The following GALNTL6 variants were observed in gnomAD, a reference collection of about 807,000 sequenced individuals.
The protein encoded by GALNTL6 is polypeptide N-acetylgalactosaminyltransferase like 6.
Under a neutral mutation model 73.7 loss-of-function variants are expected in GALNTL6, and 46 were observed. The observed-to-expected ratio is 0.62, with a 90% confidence interval of 0.49 to 0.80. The LOEUF (loss-of-function observed/expected upper bound fraction) is 0.80, where lower values mean the gene tolerates loss of function less well. Ranked by LOEUF, GALNTL6 falls within the 30% of genes least tolerant of loss-of-function variation. The probability of loss-of-function intolerance (pLI) is 0.00; values close to 1 mark genes in which losing one functional copy is unlikely to be tolerated. For synonymous variants in GALNTL6, 259 were observed against 263.7 expected, an observed-to-expected ratio of 0.98 and a Z score of 0.17; for missense variants, 604 against 755.0, an observed-to-expected ratio of 0.80 and a Z score of 2.34.
At chr4:172,317,514 T>C (rs1014786413) in intron 4 of GALNTL6, among the ~76,000 whole-genome samples, 1 of 152,246 alleles carries the variant, frequency 6.6e-6, no homozygotes, top group East Asian at 1.9e-4. Context: ...ATGTAAAATA[T>C]AAGGAGACCT....
intron 2 of GALNTL6, among the ~76,000 whole-genome samples, chr4:172,080,993 A>G (rs1340979178): frequency 6.6e-6 from 1 of 152,168 alleles, no homozygotes; most frequent in Non-Finnish European, 1.5e-5. Flanking sequence ...ACCCCTTCAT[A>G]TGGCAGCCAT....
intron 2 of GALNTL6, among the ~76,000 whole-genome samples, chr4:171,831,250 G>A (rs891886430): frequency 6.6e-6 from 1 of 151,930 alleles, no homozygotes; most frequent in African/African-American, 2.4e-5. Flanking sequence ...AGGAGAGAAA[G>A]GGAGAAAAAT....
chr4:172,445,991 C>A (rs1352926154), intron 5 of GALNTL6, among the ~76,000 whole-genome samples: 1 of 152,038 alleles, frequency 6.6e-6, no homozygotes, highest in East Asian at 1.9e-4. Flanking sequence ...GTTATCCCTA[C>A]CCTCAAGTTC....
intron 2 of GALNTL6, among the ~76,000 whole-genome samples, chr4:171,878,283 C>T (rs1736334499): frequency 6.6e-6 from 1 of 152,096 alleles, no homozygotes; most frequent in Non-Finnish European, 1.5e-5. Context: ...CCTGAGTAAA[C>T]CAGGACAAAT....
chr4:172,615,902 C>G (rs1738708475), intron 5 of GALNTL6, among the ~76,000 whole-genome samples: 2 of 152,204 alleles, frequency 1.3e-5, no homozygotes, highest in African/African-American at 4.8e-5. Flanking sequence ...TACAACCACA[C>G]AATACCACCA....
chr4:172,614,536 T>C (rs769493092), intron 5 of GALNTL6, among the ~76,000 whole-genome samples: 6 of 152,228 alleles, frequency 3.9e-5, no homozygotes, highest in Non-Finnish European at 8.8e-5. Flanking sequence ...CACAATGATA[T>C]AAGTATCTTG....
chr4:172,908,330 G>A (rs188983892), intron 8 of GALNTL6, among the ~76,000 whole-genome samples: 2 of 152,136 alleles, frequency 1.3e-5, no homozygotes, highest in Admixed American at 1.3e-4. Flanking sequence ...TTTGTATAAT[G>A]GATATATTTC....
At chr4:172,828,506 G>A (rs1003322264) in intron 7 of GALNTL6, among the ~76,000 whole-genome samples, 1 of 151,950 alleles carries the variant, frequency 6.6e-6, no homozygotes, top group Admixed American at 6.6e-5. Flanking sequence ...GATCCTATGA[G>A]CCTACCAGTC....
At chr4:172,217,043 T>A (rs1736517683) in intron 2 of GALNTL6, among the ~76,000 whole-genome samples, 1 of 152,146 alleles carries the variant, frequency 6.6e-6, no homozygotes, top group South Asian at 2.1e-4. Context: ...GATAAAAGAT[T>A]GCTGAGACCA....
chr4:172,659,529 T>C (rs1731261277), intron 5 of GALNTL6, among the ~76,000 whole-genome samples: 1 of 151,744 alleles, frequency 6.6e-6, no homozygotes, highest in Non-Finnish European at 1.5e-5. Flanking sequence ...TATTCCCCCA[T>C]CCCCTCACCC....
chr4:172,711,558 G>C (rs1284715947), intron 5 of GALNTL6, among the ~76,000 whole-genome samples: 3 of 152,102 alleles, frequency 2.0e-5, no homozygotes, highest in South Asian at 2.1e-4. Context: ...AACAAGGTAG[G>C]GTTCCAGGAT....
chr4:172,054,713 C>A (rs1448449038), intron 2 of GALNTL6, among the ~76,000 whole-genome samples: 1 of 152,080 alleles, frequency 6.6e-6, no homozygotes, highest in Non-Finnish European at 1.5e-5. Context: ...TTTGAGGGAA[C>A]ATAAACATTC....
chr4:172,843,612 G>C (rs578081345), intron 7 of GALNTL6, among the ~76,000 whole-genome samples: 26 of 152,250 alleles, frequency 1.7e-4, no homozygotes, highest in African/African-American at 4.6e-4. Context: ...CAGTCATTTG[G>C]CTTTCTCGGG....
intron 12 of GALNTL6, among the ~76,000 whole-genome samples, chr4:173,034,267 A>C (rs1346444328): frequency 1.3e-5 from 2 of 151,908 alleles, no homozygotes. Context: ...ATGCCTTTCC[A>C]TCCCTCCTCC....
chr4:172,540,152 G>A (rs571240108), intron 5 of GALNTL6, among the ~76,000 whole-genome samples: 9 of 150,494 alleles, frequency 6.0e-5, no homozygotes, highest in Non-Finnish European at 1.2e-4. Context: ...CCAGGTTCAA[G>A]TGATTCCCCT....
At chr4:172,171,011 C>A (rs77530895) in intron 2 of GALNTL6, among the ~76,000 whole-genome samples, 1 of 152,088 alleles carries the variant, frequency 6.6e-6, no homozygotes, top group Non-Finnish European at 1.5e-5. Flanking sequence ...TAGTACCAGG[C>A]CTTGCCCCAG....
At chr4:172,502,967 A>G (rs1734314530) in intron 5 of GALNTL6, among the ~76,000 whole-genome samples, 1 of 152,188 alleles carries the variant, frequency 6.6e-6, no homozygotes, top group Non-Finnish European at 1.5e-5. Context: ...AGCAAACTAA[A>G]TATTACAGAA....
Position 171,814,681 on chromosome 4 carries a change from A to G in GALNTL6, c.101A>G (p.Lys34Arg). 6.2e-7 allele frequency: 1 copy of G among 1,614,090 alleles called. No individual in the cohort carries two copies. The highest frequency in any genetic ancestry group is 1.1e-5 in the South Asian group (1 of 91,064). ...GGTCTCTGGTCTCTGTACAAGGATA[A>G]GCACCTGGTGAAGTCAGCGGAGCCC... Reference protein sequence around the residue: ...NVGLWSLYKDKHLVKSAEPGE... With the variant: ...NVGLWSLYKDRHLVKSAEPGE... Residue 34 changes from lysine to arginine, a missense_variant, in exon 2 of 13, where the codon AAG (lysine) becomes AGG (arginine). Coordinates refer to ENST00000506823, the MANE Select transcript of GALNTL6 (RefSeq NM_001034845.3).
chr4:172,168,455 A>C (rs1734701295), intron 2 of GALNTL6, among the ~76,000 whole-genome samples: 1 of 152,156 alleles, frequency 6.6e-6, no homozygotes, highest in African/African-American at 2.4e-5. Context: ...ATTGGCATAT[A>C]GACACTTGAG....
Sources: gnomAD v4.1 joint callset for allele counts (sites outside exome capture counted in the v4.1 genomes callset) on GRCh38, gnomAD v4.1.1 for gene constraint, MANE v1.5 for transcripts, NCBI Gene and HGNC (gene_info 2026-07-23, HGNC 2026-07-21) for gene names.